The following CHAT variants were observed in gnomAD, a reference collection of about 807,000 sequenced individuals.
CHAT encodes the protein acetyl CoA:choline O-acetyltransferase.
CHAT carries 61 observed loss-of-function variants against 76.9 expected under a neutral mutation model. That is an observed-to-expected ratio of 0.79 (90% CI 0.65 to 0.98). CHAT has a LOEUF of 0.98. Among genes scored for constraint, CHAT ranks in the 50% least tolerant of loss-of-function variants. CHAT has a pLI of 0.00. For missense variants in CHAT, 946 were observed against 986.9 expected (o/e 0.96, Z 0.56); for synonymous variants, 407 against 397.4 (o/e 1.02, Z -0.29).
intron 7 of CHAT, among the ~76,000 whole-genome samples, chr10:49,629,770 G>A (rs528817143): frequency 4.6e-5 from 7 of 152,320 alleles, no homozygotes; most frequent in Non-Finnish European, 5.9e-5. Flanking sequence ...TCCAGTTAGC[G>A]CCAACTGTGT....
chr10:49,615,164 AG>A (rs558881126), intron 1 of CHAT, among the ~76,000 whole-genome samples: 73 of 69,978 alleles, frequency 1.0e-3, no homozygotes, highest in African/African-American at 3.3e-3. Context: ...AATGGGGGGG[AG>A]GGGGGGGCTC....
chr10:49,610,552 C>A, upstream of CHAT: 1 of 542,918 alleles, frequency 1.8e-6, no homozygotes, highest in Non-Finnish European at 3.1e-6. Context: ...GTAGCTGCAA[C>A]GCCTCGCCGG....
chr10:49,665,505 T>G lies in CHAT; in HGVS notation c.*459T>G, dbSNP rs1330952075. ...CCAGGTCATTACCTCTTTTCTTTTTTGGGGGAGAGGAGGCTGTGTTTTGAG... is the reference window on the plus strand; with the variant it reads ...CCAGGTCATTACCTCTTTTCTTTTTGGGGGGAGAGGAGGCTGTGTTTTGAG... On this transcript the variant is annotated 3_prime_UTR_variant, in exon 15 of 15. Transcript: ENST00000337653. Among the ~76,000 whole-genome samples the G allele has an allele frequency of 2.0e-5, 3 of 152,136 alleles. No individual in the cohort carries two copies. Among genetic ancestry groups the G allele is most frequent in the Admixed American group, 6.6e-5 (1 of 15,266 alleles).
chr10:49,624,563 T>C (rs1196652985), intron 5 of CHAT, among the ~76,000 whole-genome samples: 1 of 152,230 alleles, frequency 6.6e-6, no homozygotes, highest in East Asian at 1.9e-4. Context: ...GCTTGTGGTC[T>C]ACTCCCTACC....
intron 1 of CHAT, among the ~76,000 whole-genome samples, chr10:49,615,583 C>T (rs1281703622): frequency 6.6e-6 from 1 of 152,202 alleles, no homozygotes; most frequent in African/African-American, 2.4e-5. Context: ...TTAGCTAAAC[C>T]TCAGCTTTAG....
At chr10:49,651,755 G>T in intron 10 of CHAT, 129 bp from the exon 11 acceptor site, 1 of 902,080 alleles carries the variant, frequency 1.1e-6, no homozygotes, top group Non-Finnish European at 1.7e-6. Flanking sequence ...CACTCCTGAA[G>T]GGCAGGGACT....
intron 11 of CHAT, among the ~76,000 whole-genome samples, 182 bp downstream of exon 11, chr10:49,652,188 CAA>C (rs1271667338): frequency 2.6e-5 from 4 of 152,108 alleles, no homozygotes; most frequent in Non-Finnish European, 5.9e-5. Flanking sequence ...AACCTCAGAA[CAA>C]GAAGGATGTG....
chr10:49,651,587 C>A (rs895014493), intron 10 of CHAT: 20 of 417,840 alleles, frequency 4.8e-5, no homozygotes, highest in African/African-American at 3.6e-4. Context: ...CACAGTTAAT[C>A]CCTGACTCAC....
intron 7 of CHAT, among the ~76,000 whole-genome samples, chr10:49,640,697 T>C (rs1163323908): frequency 2.6e-5 from 4 of 151,990 alleles, no homozygotes; most frequent in Admixed American, 6.6e-5. Flanking sequence ...CACTTGGCCT[T>C]TGCTGGCAAG....
At position 49,615,266 on chromosome 10, in the gene CHAT, A is replaced by G. The variant is rs570146693; in HGVS notation, c.286+791A>G. 3.4e-4 allele frequency among the ~76,000 whole-genome samples: 52 copies of G among 152,318 alleles called. No homozygotes were observed. The South Asian group carries it at 9.7e-3, about 29-fold the overall frequency. On this transcript the variant is annotated intron_variant, in intron 1 of 14. Transcript: ENST00000337653. ...CTTGCTGTCCTCTCAAAAGACTGCC[A>G]TGCTCCGGTGAATCCTCACCAGGAC...
intron 11 of CHAT, among the ~76,000 whole-genome samples, chr10:49,653,895 G>A (rs962470131): frequency 6.6e-6 from 1 of 152,234 alleles, no homozygotes; most frequent in Non-Finnish European, 1.5e-5. Flanking sequence ...AGTGCAGCCT[G>A]CACAATGCAC....
At chr10:49,619,359 G>C (rs894567902) in intron 2 of CHAT, among the ~76,000 whole-genome samples, 2 of 152,184 alleles carry the variant, frequency 1.3e-5, no homozygotes, top group Admixed American at 6.5e-5. Flanking sequence ...TCCTATGAGA[G>C]ATAGGGGTTA....
intron 10 of CHAT, 32 bp downstream of exon 10, chr10:49,649,668 C>T (rs1196271575): frequency 5.6e-6 from 9 of 1,612,726 alleles, no homozygotes; most frequent in Non-Finnish European, 7.6e-6. Flanking sequence ...TTTGAGGGGT[C>T]CCCTAGGGAC....
chr10:49,636,201 A>G (rs924880844), intron 7 of CHAT, among the ~76,000 whole-genome samples: 3 of 152,188 alleles, frequency 2.0e-5, no homozygotes, highest in Non-Finnish European at 4.4e-5. Flanking sequence ...TACTAGTTCA[A>G]TAAGAGATTT....
chr10:49,640,189 T>C (rs560725990), intron 7 of CHAT, among the ~76,000 whole-genome samples: 207 of 152,266 alleles, frequency 1.4e-3, no homozygotes, highest in African/African-American at 4.8e-3. Flanking sequence ...TTTATTTATT[T>C]GAGACGGAGT....
chr10:49,614,610 AG>A (rs1838414508), intron 1 of CHAT, 135 bp downstream of exon 1: 4 of 805,604 alleles, frequency 5.0e-6, no homozygotes, highest in Non-Finnish European at 7.7e-6. Flanking sequence ...CCTGCGCAGC[AG>A]CGGCCGTCGG....
At chr10:49,612,175 C>T (rs1290953438), upstream of CHAT, 8 of 1,610,156 alleles carry the variant, frequency 5.0e-6, no homozygotes, top group Non-Finnish European at 5.9e-6. Context: ...GACGCGCTCC[C>T]GTTCCGAGCG....
At chr10:49,649,406 C>T in intron 9 of CHAT, 102 bp from the exon 10 acceptor site, 1 of 1,561,092 alleles carries the variant, frequency 6.4e-7, no homozygotes, top group Non-Finnish European at 8.8e-7. Context: ...AACTCCATGG[C>T]CGCAAACACT....
chr10:49,623,541 G>A (rs1167282553), intron 5 of CHAT, among the ~76,000 whole-genome samples: 3 of 152,118 alleles, frequency 2.0e-5, no homozygotes, highest in Non-Finnish European at 4.4e-5. Flanking sequence ...TAGACTATTG[G>A]GCAAGACAGT....
Sources: gnomAD v4.1 joint callset for allele counts (sites outside exome capture counted in the v4.1 genomes callset) on GRCh38, gnomAD v4.1.1 for gene constraint, MANE v1.5 for transcripts, NCBI Gene and HGNC (gene_info 2026-07-23, HGNC 2026-07-21) for gene names.